The following PTPRT variants were observed in gnomAD, a reference collection of about 807,000 sequenced individuals.
The protein encoded by PTPRT is receptor-type tyrosine-protein phosphatase T.
A neutral mutation model predicts 176.8 loss-of-function variants in PTPRT; 56 were observed. That is an observed-to-expected ratio of 0.32 (90% confidence interval 0.26 to 0.40). The LOEUF (loss-of-function observed/expected upper bound fraction) is 0.40, where lower values mean the gene tolerates loss of function less well. Ranked by LOEUF, PTPRT falls within the 10% of genes least tolerant of loss-of-function variation. PTPRT has a pLI of 1.00. For synonymous variants in PTPRT, 783 were observed against 739.0 expected (o/e 1.06, Z -0.96); for missense variants, 1,540 against 1,908.2 (o/e 0.81, Z 3.60).
At chr20:42,503,585 T>C (rs367708447) in intron 7 of PTPRT, among the ~76,000 whole-genome samples, 1 of 152,130 alleles carries the variant, frequency 6.6e-6, no homozygotes, top group Non-Finnish European at 1.5e-5. Context: ...GCTTTATTGA[T>C]TGATTTTTGA....
At chr20:42,308,182 C>G (rs1424586213) in intron 12 of PTPRT, among the ~76,000 whole-genome samples, 3 of 152,084 alleles carry the variant, frequency 2.0e-5, no homozygotes, top group Admixed American at 6.6e-5. Context: ...GGCCAACCAG[C>G]AGCTCATACT....
intron 2 of PTPRT, among the ~76,000 whole-genome samples, chr20:42,827,468 G>T (rs983675157): frequency 2.6e-5 from 4 of 152,096 alleles, no homozygotes; most frequent in Non-Finnish European, 4.4e-5. Flanking sequence ...ATAAAAAAAA[G>T]AAATTAAGGC....
chr20:42,179,446 C>T (rs532432817), intron 16 of PTPRT, among the ~76,000 whole-genome samples: 2 of 152,276 alleles, frequency 1.3e-5, no homozygotes, highest in Admixed American at 6.5e-5. Context: ...AAAGAGTTAA[C>T]AATGTACTTT....
rs527452800 is a variant in PTPRT at position 42,862,267 on chromosome 20, G to A, written c.214+23540C>T. ...GGCCTGGCTCACAAGGCCTCCCTTGGTTGAGAGGGGCAAGATATCTGAGAC... is the reference window on the plus strand; with the variant it reads ...GGCCTGGCTCACAAGGCCTCCCTTGATTGAGAGGGGCAAGATATCTGAGAC... On this transcript the variant is annotated intron_variant, in intron 2 of 30. Transcript: ENST00000373187. Among the ~76,000 whole-genome samples the A allele has an allele frequency of 7.2e-5, 11 of 152,252 alleles. No homozygotes were observed. In the Middle Eastern group the frequency reaches 0.014, roughly 188 times the overall value.
At chr20:42,625,007 G>A (rs1348705012) in intron 7 of PTPRT, among the ~76,000 whole-genome samples, 1 of 152,190 alleles carries the variant, frequency 6.6e-6, no homozygotes, top group African/African-American at 2.4e-5. Context: ...AGGAGACAGG[G>A]TCAGGTCCAA....
chr20:42,534,788 G>A (rs1490376437), intron 7 of PTPRT, among the ~76,000 whole-genome samples: 2 of 152,222 alleles, frequency 1.3e-5, no homozygotes. Context: ...TCTACTGACT[G>A]GCTGCCACTT....
At chr20:42,069,895 G>T (rs376990398), downstream of PTPRT, among the ~76,000 whole-genome samples, 1 of 152,156 alleles carries the variant, frequency 6.6e-6, no homozygotes, top group Non-Finnish European at 1.5e-5. Flanking sequence ...GTCTCCAGTT[G>T]TTCAGTTTGT....
intron 2 of PTPRT, among the ~76,000 whole-genome samples, chr20:42,792,901 A>G (rs765282003): frequency 1.3e-4 from 20 of 152,216 alleles, no homozygotes; most frequent in Non-Finnish European, 2.6e-4. Flanking sequence ...AAAGGGAGAG[A>G]CAGAGAGAGA....
At chr20:42,084,917 G>T in intron 28 of PTPRT, 72 bp from the exon 29 acceptor site, 1 of 1,275,528 alleles carries the variant, frequency 7.8e-7, no homozygotes, top group East Asian at 2.8e-5. Flanking sequence ...AGATACCCCG[G>T]GGACTGCAGC....
intron 1 of PTPRT, among the ~76,000 whole-genome samples, chr20:43,120,143 C>T (rs184994194): frequency 6.6e-6 from 1 of 152,140 alleles, no homozygotes; most frequent in Non-Finnish European, 1.5e-5. Flanking sequence ...AGTAACCACA[C>T]TTTCAACACC....
chr20:42,583,352 T>C (rs6065515), intron 7 of PTPRT, among the ~76,000 whole-genome samples: 99,224 of 152,072 alleles, frequency 0.65, 34,127 homozygotes, highest in African/African-American at 0.86. Context: ...TGTTCTTCAT[T>C]AACTGTCAGG....
At chr20:43,011,273 G>A (rs939613915) in intron 1 of PTPRT, among the ~76,000 whole-genome samples, 3 of 152,162 alleles carry the variant, frequency 2.0e-5, no homozygotes, top group Non-Finnish European at 2.9e-5. Context: ...CAAATGGCCA[G>A]AGTCTGTCCT....
At chr20:42,303,493 G>A (rs950531580) in intron 12 of PTPRT, among the ~76,000 whole-genome samples, 5 of 152,078 alleles carry the variant, frequency 3.3e-5, no homozygotes, top group South Asian at 4.1e-4. Flanking sequence ...GGCATGAAAC[G>A]GAGCAGTAAA....
intron 14 of PTPRT, among the ~76,000 whole-genome samples, chr20:42,237,180 C>T (rs1469622337): frequency 6.6e-6 from 1 of 152,214 alleles, no homozygotes; most frequent in Non-Finnish European, 1.5e-5. Flanking sequence ...CCTTCAAGCT[C>T]TGCCCAAAGT....
At chr20:42,813,112 C>T (rs2077724956) in intron 2 of PTPRT, among the ~76,000 whole-genome samples, 1 of 152,058 alleles carries the variant, frequency 6.6e-6, no homozygotes. Flanking sequence ...TATTGTTTCA[C>T]TTTTTGCTGT....
intron 26 of PTPRT, among the ~76,000 whole-genome samples, 153 bp from the exon 27 acceptor site, chr20:42,098,705 G>A (rs1470515441): frequency 1.3e-5 from 2 of 152,214 alleles, no homozygotes; most frequent in African/African-American, 2.4e-5. Context: ...ACGCCCTGGC[G>A]GCAAAGGGGA....
intron 9 of PTPRT, among the ~76,000 whole-genome samples, chr20:42,410,073 T>G (rs1017557072): frequency 1.3e-5 from 2 of 152,162 alleles, no homozygotes; most frequent in African/African-American, 4.8e-5. Flanking sequence ...TGATGTTTCA[T>G]GCAAAAACTT....
chr20:42,844,561 C>T (rs934571773), intron 2 of PTPRT, among the ~76,000 whole-genome samples: 6 of 152,070 alleles, frequency 3.9e-5, no homozygotes, highest in Admixed American at 3.3e-4. Context: ...AATTTGGTTA[C>T]TCACAGTGAC....
intron 12 of PTPRT, among the ~76,000 whole-genome samples, chr20:42,313,885 A>G (rs377696274): frequency 3.0e-4 from 45 of 152,304 alleles, no homozygotes; most frequent in African/African-American, 1.0e-3. Flanking sequence ...TAATAAATGC[A>G]GAACTGAAAT....
Sources: gnomAD v4.1 joint callset for allele counts (sites outside exome capture counted in the v4.1 genomes callset) on GRCh38, gnomAD v4.1.1 for gene constraint, MANE v1.5 for transcripts, NCBI Gene and HGNC (gene_info 2026-07-23, HGNC 2026-07-21) for gene names.